The following ATP10B variants were observed in gnomAD, a reference collection of about 807,000 sequenced individuals.
ATP10B encodes the protein phospholipid-transporting ATPase VB.
In ATP10B, 122 loss-of-function variants were observed where a neutral mutation model predicts 141.2. The observed-to-expected ratio is 0.86, with a 90% CI of 0.75 to 1.00. The LOEUF (loss-of-function observed/expected upper bound fraction) is 1.00. Ranked by LOEUF, ATP10B falls within the 50% of genes least tolerant of loss-of-function variation. The pLI, the probability that ATP10B is intolerant of heterozygous loss-of-function variation, is 0.00. For missense variants in ATP10B, 1,876 were observed against 1,825.3 expected (o/e 1.03, Z -0.51); for synonymous variants, 685 against 692.0 (o/e 0.99, Z 0.16).
intron 2 of ATP10B, among the ~76,000 whole-genome samples, chr5:160,719,405 A>G (rs1765863444): frequency 6.6e-6 from 1 of 152,222 alleles, no homozygotes; most frequent in African/African-American, 2.4e-5. Flanking sequence ...GTCTCAAAAA[A>G]AGTAATGGCA....
At chr5:160,882,244 A>C in the ATP10B span, among the ~76,000 whole-genome samples, 1 of 152,172 alleles carries the variant, frequency 6.6e-6, no homozygotes, top group Non-Finnish European at 1.5e-5. Flanking sequence ...ATCCTAATGT[A>C]AAACGTAGAG....
At chr5:160,634,755 G>T in intron 11 of ATP10B, 149 bp from the exon 12 acceptor site, 1 of 815,632 alleles carries the variant, frequency 1.2e-6, no homozygotes, top group Non-Finnish European at 1.9e-6. Flanking sequence ...ATGACCTCAT[G>T]CATCCCTTGG....
chr5:160,731,080 A>G (rs376966358), intron 2 of ATP10B, among the ~76,000 whole-genome samples: 1 of 152,152 alleles, frequency 6.6e-6, no homozygotes, highest in Non-Finnish European at 1.5e-5. Flanking sequence ...AATAGTTTTG[A>G]TTACAGAATC....
the ATP10B span, among the ~76,000 whole-genome samples, chr5:160,921,344 T>C: frequency 6.6e-6 from 1 of 152,188 alleles, no homozygotes; most frequent in Admixed American, 6.5e-5. Context: ...TGCCTCATTC[T>C]TTTTTATTGT....
Position 160,565,208 on chromosome 5 carries a change from GC to G in ATP10B, c.*244del. On this transcript the variant is annotated 3_prime_UTR_variant, in exon 26 of 26. Transcript: ENST00000327245. ...TTGAGAACTCGATTCAACAAAAACA[GC>G]CTCCTTCTCCAAACTGTTTGCAAGA... is the stretch of plus-strand genomic sequence containing the variant. 1 of 533,254 alleles carries G rather than the reference GC, an allele frequency of 1.9e-6. No individual in the cohort carries two copies. The highest frequency in any genetic ancestry group is 3.3e-6 in the Non-Finnish European group (1 of 299,294). The allele number at this position is 533,254 out of a possible 1,614,324, so 33.0% of individuals were successfully genotyped here.
At chr5:160,832,341 A>G (rs1463442768) in intron 1 of ATP10B, among the ~76,000 whole-genome samples, 2 of 152,182 alleles carry the variant, frequency 1.3e-5, no homozygotes, top group African/African-American at 4.8e-5. Context: ...TGGATAAGTG[A>G]TGGCTCAACC....
In ATP10B at chr5:160,638,088, C is replaced by T. The variant is rs1238179807; in HGVS notation, c.1001-1779G>A. Among the ~76,000 whole-genome samples the T allele has an allele frequency of 3.9e-5, 6 of 152,144 alleles. No homozygotes were observed. In the East Asian group the frequency reaches 9.6e-4, roughly 24 times the overall value. On this transcript the variant is annotated intron_variant, in intron 10 of 25. Transcript: ENST00000327245. ...ATTCTGGTGAGGAAAGAAGAAACAC[C>T]ACCTTTACAAAATCAAAGTAAACAT...
Position 160,606,936 on chromosome 5 carries a change from C to A in ATP10B, c.2989G>T (p.Val997Phe). The part of the protein sequence containing the change: ...SEAVVPEAGL[V>F]IDGKTLNAIF... ...GCATTCAATGTCTTCCCATCGATGACCAATCCAGCTTCTGGAACCACAGCT... is the reference window on the plus strand; with the variant it reads ...GCATTCAATGTCTTCCCATCGATGAACAATCCAGCTTCTGGAACCACAGCT... The change falls in exon 19 of 26, where the codon GTC becomes TTC. Residue 997 changes from valine (V) to phenylalanine (F), a missense_variant. Coordinates refer to ENST00000327245, the MANE Select transcript of ATP10B (RefSeq NM_025153.3). 1 of 1,614,172 alleles carries A rather than the reference C, an allele frequency of 6.2e-7. No individual in the cohort carries two copies. The highest frequency in any genetic ancestry group is 1.7e-5 in the Admixed American group (1 of 60,016).
chr5:160,668,517 C>T (rs1243639683), intron 7 of ATP10B, among the ~76,000 whole-genome samples: 1 of 152,228 alleles, frequency 6.6e-6, no homozygotes, highest in African/African-American at 2.4e-5. Flanking sequence ...TAGACCAGAT[C>T]TCACCCTGCC....
At chr5:160,890,620 C>CT in the ATP10B span, among the ~76,000 whole-genome samples, 2 of 152,138 alleles carry the variant, frequency 1.3e-5, no homozygotes, top group African/African-American at 4.8e-5. Flanking sequence ...AACTTTATTT[C>CT]TTTTTATGGC....
chr5:160,625,450 C>T (rs551747741), intron 13 of ATP10B, among the ~76,000 whole-genome samples: 1 of 152,196 alleles, frequency 6.6e-6, no homozygotes, highest in South Asian at 2.1e-4. Context: ...AAATGAGATG[C>T]TGTTAAATCT....
intron 2 of ATP10B, among the ~76,000 whole-genome samples, chr5:160,783,047 A>AT (rs1175180575): frequency 2.0e-5 from 3 of 151,996 alleles, no homozygotes; most frequent in African/African-American, 7.3e-5. Context: ...ATTTTCTTCC[A>AT]TAAGTTATTG....
rs1381290736 is a variant in ATP10B at position 160,688,786 on chromosome 5, G to A, written c.-47C>T. Reference sequence around the variant, plus strand: ...TGTGGCCGGAACCTCAAAGGAGAGTGATAAGTAGAATAGATGGGAGAGGTT... The same window carrying A: ...TGTGGCCGGAACCTCAAAGGAGAGTAATAAGTAGAATAGATGGGAGAGGTT... On this transcript the variant is annotated 5_prime_UTR_variant, in exon 4 of 26. Transcript: ENST00000327245. 15 of 985,476 alleles carry A rather than the reference G, an allele frequency of 1.5e-5. No homozygotes were observed. The highest frequency in any genetic ancestry group is 1.8e-5 in the Non-Finnish European group (15 of 829,944). The allele number at this position is 985,476 out of a possible 1,614,324, so 61.0% of individuals were successfully genotyped here.
chr5:160,916,090 A>G, the ATP10B span, among the ~76,000 whole-genome samples: 1 of 152,172 alleles, frequency 6.6e-6, no homozygotes, highest in Admixed American at 6.5e-5. Flanking sequence ...GAACTTTATA[A>G]CAACTCTTGA....
intron 7 of ATP10B, among the ~76,000 whole-genome samples, chr5:160,658,505 A>G (rs1293064715): frequency 1.3e-5 from 2 of 151,954 alleles, no homozygotes; most frequent in African/African-American, 2.4e-5. Flanking sequence ...GCTGTTCAGA[A>G]CTCTCACACC....
At chr5:160,752,792 T>C (rs1033581346) in intron 2 of ATP10B, among the ~76,000 whole-genome samples, 1 of 152,184 alleles carries the variant, frequency 6.6e-6, no homozygotes, top group Non-Finnish European at 1.5e-5. Context: ...GTGAAGAAAG[T>C]AACTTTAGGG....
intron 2 of ATP10B, among the ~76,000 whole-genome samples, chr5:160,723,823 A>T (rs974790696): frequency 1.3e-5 from 2 of 152,196 alleles, no homozygotes; most frequent in African/African-American, 4.8e-5. Context: ...GTGCTTAAAA[A>T]AGCACACGTA....
At chr5:160,641,580 A>G (rs950190781) in intron 9 of ATP10B, among the ~76,000 whole-genome samples, 3 of 152,204 alleles carry the variant, frequency 2.0e-5, no homozygotes, top group African/African-American at 7.2e-5. Flanking sequence ...TGTGAACCCA[A>G]GATTCAGATT....
intron 2 of ATP10B, among the ~76,000 whole-genome samples, chr5:160,777,206 C>T (rs1185056392): frequency 6.6e-6 from 1 of 152,216 alleles, no homozygotes; most frequent in Non-Finnish European, 1.5e-5. Context: ...TGAACAACCC[C>T]TAAAGTGGGC....
Sources: allele counts gnomAD v4.1 joint callset (sites outside exome capture counted in the v4.1 genomes callset), GRCh38; gene constraint gnomAD v4.1.1; transcripts MANE v1.5; gene names NCBI Gene and HGNC (gene_info 2026-07-23, HGNC 2026-07-21).